FCHSD2: variants seen among roughly 807,000 people sequenced by gnomAD.
The protein encoded by FCHSD2 is FCH and double SH3 domains 2, also known as F-BAR and double SH3 domains protein 2.
FCHSD2 carries 38 observed loss-of-function variants against 108.1 expected under a neutral mutation model. The observed-to-expected ratio is 0.35, with a 90% CI of 0.27 to 0.46. The LOEUF (loss-of-function observed/expected upper bound fraction) is 0.46. FCHSD2 is among the 20% of genes least tolerant of loss of function. FCHSD2 has a pLI of 1.00. For missense variants in FCHSD2, 751 were observed against 897.8 expected (o/e 0.84, Z 2.09); for synonymous variants, 279 against 314.7 (o/e 0.89, Z 1.20).
At chr11:72,987,694 C>T (rs1857336251) in intron 6 of FCHSD2, among the ~76,000 whole-genome samples, 1 of 152,196 alleles carries the variant, frequency 6.6e-6, no homozygotes, top group Non-Finnish European at 1.5e-5. Context: ...AGAAACGCCC[C>T]TCCACTGTGC....
rs1272818898 is a variant in FCHSD2 at position 72,838,738 on chromosome 11, C to T, written c.*53G>A. ...AAGGTGCCTAAAAAACAAGACTGGC[C>T]AAACTCCAAGCCTGGCCTTGATTGT... On this transcript the variant is annotated 3_prime_UTR_variant, in exon 20 of 20. Transcript: ENST00000409418. 1.3e-6 allele frequency: 2 copies of T among 1,488,128 alleles called. No individual in the cohort carries two copies. Among genetic ancestry groups the T allele is most frequent in the Non-Finnish European group, 1.8e-6 (2 of 1,088,062 alleles). 92.2% of individuals were successfully genotyped at this position (1,488,128 alleles called of 1,614,324 possible).
intron 9 of FCHSD2, among the ~76,000 whole-genome samples, chr11:72,918,915 C>T (rs1816360207): frequency 6.6e-6 from 1 of 152,074 alleles, no homozygotes; most frequent in Non-Finnish European, 1.5e-5. Context: ...GCTTCAGTTA[C>T]ATATACAAAG....
At chr11:73,130,120 C>T (rs558021425) in intron 2 of FCHSD2, among the ~76,000 whole-genome samples, 6 of 152,126 alleles carry the variant, frequency 3.9e-5, no homozygotes, top group African/African-American at 9.6e-5. Context: ...GTGATCCGCC[C>T]GCCTTGGCCT....
chr11:73,088,244 C>T (rs1215004728), intron 2 of FCHSD2, among the ~76,000 whole-genome samples: 1 of 152,010 alleles, frequency 6.6e-6, no homozygotes, highest in Non-Finnish European at 1.5e-5. Flanking sequence ...ATATAAATAC[C>T]ATCATGTTAC....
At chr11:72,922,078 T>C (rs1855985580) in intron 8 of FCHSD2, 128 bp from the exon 9 acceptor site, 1 of 610,000 alleles carries the variant, frequency 1.6e-6, no homozygotes, top group Non-Finnish European at 2.8e-6. Flanking sequence ...GGACAAAAGA[T>C]ACAGATTGTA....
Position 73,142,047 on chromosome 11 carries a change from C to G in FCHSD2, c.-170G>C. On this transcript the variant is annotated 5_prime_UTR_variant, in exon 1 of 20. Coordinates refer to ENST00000409418, the MANE Select transcript of FCHSD2 (RefSeq NM_014824.3). ...GCAGGCCAGCGGGCGGCAGGCGGAC[C>G]CCAGCCAGAGAGCGAGTGTGAGGAG... The G allele has an allele frequency of 1.6e-6, 1 of 615,160 alleles. No individual in the cohort carries two copies. The highest frequency in any genetic ancestry group is 2.8e-6 in the Non-Finnish European group (1 of 360,132). 38.1% of individuals were successfully genotyped at this position (615,160 alleles called of 1,614,324 possible).
chr11:73,094,954 T>G (rs1860042130), intron 2 of FCHSD2, among the ~76,000 whole-genome samples: 1 of 152,216 alleles, frequency 6.6e-6, no homozygotes, highest in South Asian at 2.1e-4. Context: ...ATAAAAAATA[T>G]TAATTCTCTA....
chr11:72,867,025 G>A (rs1369699273), intron 13 of FCHSD2, among the ~76,000 whole-genome samples: 1 of 152,206 alleles, frequency 6.6e-6, no homozygotes, highest in Admixed American at 6.5e-5. Context: ...GCTGTGCAGA[G>A]CAGAGAACCA....
At chr11:72,932,983 T>C (rs376326430) in intron 8 of FCHSD2, among the ~76,000 whole-genome samples, 1 of 152,230 alleles carries the variant, frequency 6.6e-6, no homozygotes, top group African/African-American at 2.4e-5. Flanking sequence ...AAAGGAGTAA[T>C]TGATTTCATA....
intron 3 of FCHSD2, among the ~76,000 whole-genome samples, chr11:73,068,251 T>C (rs574342633): frequency 2.5e-4 from 38 of 151,808 alleles, no homozygotes; most frequent in African/African-American, 9.2e-4. Context: ...ATTATGTGCA[T>C]GTTCTCGCTT....
intron 8 of FCHSD2, among the ~76,000 whole-genome samples, chr11:72,927,820 C>T (rs1856106779): frequency 6.6e-6 from 1 of 152,156 alleles, no homozygotes; most frequent in African/African-American, 2.4e-5. Flanking sequence ...TCAAGAGCAC[C>T]AATAGGTACT....
chr11:73,088,623 C>T (rs964469956), intron 2 of FCHSD2, among the ~76,000 whole-genome samples: 11 of 151,962 alleles, frequency 7.2e-5, no homozygotes, highest in Admixed American at 4.6e-4. Context: ...AAAAAAAATG[C>T]ACATTCATAA....
intron 2 of FCHSD2, among the ~76,000 whole-genome samples, chr11:73,089,136 T>A (rs1732833098): frequency 6.6e-6 from 1 of 152,220 alleles, no homozygotes; most frequent in Non-Finnish European, 1.5e-5. Flanking sequence ...CTATTCATTA[T>A]AATGTATCAT....
intron 8 of FCHSD2, among the ~76,000 whole-genome samples, chr11:72,944,040 C>T (rs571853877): frequency 1.3e-5 from 2 of 152,320 alleles, no homozygotes; most frequent in South Asian, 4.1e-4. Context: ...TCCTCCCTAA[C>T]TCATTTTATG....
At chr11:72,909,510 G>C (rs914099657) in intron 9 of FCHSD2, among the ~76,000 whole-genome samples, 7 of 151,640 alleles carry the variant, frequency 4.6e-5, no homozygotes, top group Non-Finnish European at 1.0e-4. Flanking sequence ...TCTGGGATGT[G>C]AGGAGCCCCT....
At chr11:72,959,820 A>G (rs1427116660) in intron 8 of FCHSD2, among the ~76,000 whole-genome samples, 1 of 151,574 alleles carries the variant, frequency 6.6e-6, no homozygotes, top group Non-Finnish European at 1.5e-5. Context: ...AGGTAGAACT[A>G]TACTTCAAAT....
rs573619373 is a variant in FCHSD2, at chr11:73,016,895, T to C, written c.166-1010A>G. On this transcript the variant is annotated intron_variant, in intron 3 of 19. Coordinates refer to ENST00000409418, the MANE Select transcript of FCHSD2 (RefSeq NM_014824.3). Reference sequence around the variant, plus strand: ...TCAGGGAGAGGTACAGGGATTTGAATTGAGAAGACCATTTTGTTAAGAATT... The same window carrying C: ...TCAGGGAGAGGTACAGGGATTTGAACTGAGAAGACCATTTTGTTAAGAATT... 3.3e-5 allele frequency among the ~76,000 whole-genome samples: 5 copies of C among 152,354 alleles called. No homozygotes were observed. In the South Asian group the frequency reaches 8.3e-4, roughly 25 times the overall value.
At chr11:73,048,488 C>T (rs761233582) in intron 3 of FCHSD2, among the ~76,000 whole-genome samples, 1 of 152,188 alleles carries the variant, frequency 6.6e-6, no homozygotes, top group Non-Finnish European at 1.5e-5. Context: ...ACAATAAATG[C>T]TAACTTCTGC....
At chr11:73,123,958 T>C (rs2135561998) in intron 2 of FCHSD2, among the ~76,000 whole-genome samples, 1 of 152,314 alleles carries the variant, frequency 6.6e-6, no homozygotes. Context: ...GCCTTAATAT[T>C]GTATAAGGTG....
Sources: allele counts gnomAD v4.1 joint callset (sites outside exome capture counted in the v4.1 genomes callset), GRCh38; gene constraint gnomAD v4.1.1; transcripts MANE v1.5; gene names NCBI Gene and HGNC (gene_info 2026-07-23, HGNC 2026-07-21).